The following SNX13 variants were observed in gnomAD, a reference collection of about 807,000 sequenced individuals.
SNX13 encodes the protein sorting nexin-13.
In SNX13, 45 loss-of-function variants were observed where a neutral mutation model predicts 133.6. The ratio of observed to expected loss-of-function variants is 0.34; its 90% CI spans 0.27 to 0.43. The LOEUF is 0.43. SNX13 is among the 20% of genes least tolerant of loss of function. The pLI is 1.00. For missense variants in SNX13, 1,032 were observed against 1,145.1 expected (o/e 0.90, Z 1.43); for synonymous variants, 414 against 373.9 (o/e 1.11, Z -1.24).
At chr7:17,857,578 G>C (rs1792077599) in intron 9 of SNX13, among the ~76,000 whole-genome samples, 1 of 152,132 alleles carries the variant, frequency 6.6e-6, no homozygotes, top group Admixed American at 6.6e-5. Context: ...GAGGTCAGGA[G>C]TTCAAGACCA....
chr7:17,856,816 G>GAAAAGAAAAGA (rs1554330845), intron 9 of SNX13, among the ~76,000 whole-genome samples: 1 of 136,152 alleles, frequency 7.3e-6, no homozygotes, highest in African/African-American at 2.7e-5. Context: ...AAGAAAGAAA[G>GAAAAGAAAAGA]AAAAGAAAAA....
intron 5 of SNX13, chr7:17,880,337 T>C (rs1035897100): frequency 6.6e-6 from 1 of 152,240 alleles, no homozygotes; most frequent in African/African-American, 2.4e-5. Context: ...AGCAAGTGAC[T>C]TGGTTTTCAT....
chr7:17,850,115 T>C (rs1791032786), intron 11 of SNX13, among the ~76,000 whole-genome samples: 1 of 152,190 alleles, frequency 6.6e-6, no homozygotes, highest in African/African-American at 2.4e-5. Context: ...AATCAAGGAA[T>C]AAAATAAAAT....
At chr7:17,809,541 G>A (rs1785754275) in intron 20 of SNX13, among the ~76,000 whole-genome samples, 1 of 152,138 alleles carries the variant, frequency 6.6e-6, no homozygotes. Context: ...ACACCCTACT[G>A]TCAATATTAG....
chr7:17,846,167 T>G (rs1415024618), intron 11 of SNX13, among the ~76,000 whole-genome samples: 1 of 151,728 alleles, frequency 6.6e-6, no homozygotes, highest in Admixed American at 6.6e-5. Flanking sequence ...ATAAAATGTG[T>G]TTTTTTTCCA....
chr7:17,830,539 T>C (rs1788373362), intron 15 of SNX13: 3 of 983,880 alleles, frequency 3.0e-6, no homozygotes, highest in Non-Finnish European at 3.6e-6. Context: ...TGGTGGTAGA[T>C]TATCTTGAAA....
intron 25 of SNX13, chr7:17,795,932 G>A (rs1784001489): frequency 6.6e-6 from 1 of 151,654 alleles, no homozygotes; most frequent in African/African-American, 2.4e-5. Flanking sequence ...TTAATTGACA[G>A]AAGAGAAGGC....
intron 1 of SNX13, among the ~76,000 whole-genome samples, chr7:17,902,982 T>A (rs988273226): frequency 6.6e-6 from 1 of 152,076 alleles, no homozygotes; most frequent in Non-Finnish European, 1.5e-5. Flanking sequence ...CTTGAAACCA[T>A]CCCCTCCACC....
chr7:17,851,165 T>C (rs564208607), intron 9 of SNX13, among the ~76,000 whole-genome samples: 107 of 152,328 alleles, frequency 7.0e-4, no homozygotes, highest in African/African-American at 2.5e-3. Context: ...TACAGCATGT[T>C]TGAAACTGTA....
intron 1 of SNX13, among the ~76,000 whole-genome samples, chr7:17,912,536 G>C (rs12534750): frequency 6.6e-6 from 1 of 151,860 alleles, no homozygotes; most frequent in African/African-American, 2.4e-5. Context: ...TCAGCCTCCT[G>C]AGTAGCTGGG....
chr7:17,871,181 A>G (rs962457521), intron 8 of SNX13, among the ~76,000 whole-genome samples: 6 of 151,712 alleles, frequency 4.0e-5, no homozygotes, highest in South Asian at 2.1e-4. Context: ...AATTTTTTGT[A>G]TTTTTAGTAG....
chr7:17,863,456 T>C (rs1412157128), intron 9 of SNX13, among the ~76,000 whole-genome samples: 2 of 152,186 alleles, frequency 1.3e-5, no homozygotes, highest in Non-Finnish European at 2.9e-5. Flanking sequence ...CAGAGGGCTG[T>C]GTCTTAAAAC....
intron 2 of SNX13, among the ~76,000 whole-genome samples, chr7:17,893,790 T>C (rs1796903139): frequency 6.6e-6 from 1 of 151,678 alleles, no homozygotes; most frequent in African/African-American, 2.4e-5. Context: ...TTGACCAACA[T>C]GGTGAAACCC....
chr7:17,801,015 T>A (rs1354064639), intron 22 of SNX13, among the ~76,000 whole-genome samples: 1 of 8,936 alleles, frequency 1.1e-4, no homozygotes, highest in Admixed American at 9.7e-4. Flanking sequence ...TGAACATATA[T>A]ATATATATAT....
chr7:17,800,908 T>C (rs1784536546), intron 22 of SNX13, among the ~76,000 whole-genome samples: 1 of 150,648 alleles, frequency 6.6e-6, no homozygotes, highest in African/African-American at 2.4e-5. Context: ...TACTGAGTAC[T>C]GGCAGGATGT....
chr7:17,902,722 T>C (rs1025498631), intron 1 of SNX13, among the ~76,000 whole-genome samples: 1 of 152,172 alleles, frequency 6.6e-6, no homozygotes, highest in Admixed American at 6.5e-5. Context: ...GATTTACATT[T>C]TTAAAATTCT....
At chr7:17,820,478 A>G (rs1292903136) in intron 18 of SNX13, among the ~76,000 whole-genome samples, 1 of 152,126 alleles carries the variant, frequency 6.6e-6, no homozygotes, top group Non-Finnish European at 1.5e-5. Flanking sequence ...ACACCAGAAG[A>G]ATGCGCATGT....
At chr7:17,832,117 G>T (rs1372188801) in intron 15 of SNX13, 2 of 983,818 alleles carry the variant, frequency 2.0e-6, no homozygotes, top group East Asian at 2.3e-4. Context: ...AATGTGAGGG[G>T]TTACTCAATA....
intron 1 of SNX13, among the ~76,000 whole-genome samples, chr7:17,921,773 T>C (rs1193037922): frequency 1.3e-5 from 2 of 152,232 alleles, no homozygotes; most frequent in African/African-American, 4.8e-5. Context: ...GGAAAGCTGA[T>C]ATAAGAGCAT....
Sources: gnomAD v4.1 joint callset for allele counts (sites outside exome capture counted in the v4.1 genomes callset) on GRCh38, gnomAD v4.1.1 for gene constraint, MANE v1.5 for transcripts, NCBI Gene and HGNC (gene_info 2026-07-23, HGNC 2026-07-21) for gene names.